The following SMCP variants were observed in gnomAD, a reference collection of about 807,000 sequenced individuals.
The protein encoded by SMCP is sperm mitochondrial-associated cysteine-rich protein.
For synonymous variants in SMCP, 41 were observed against 46.9 expected (o/e 0.87, Z 0.51); for missense variants, 137 against 137.1 (o/e 1.00, Z 0.01).
intron 1 of SMCP, among the ~76,000 whole-genome samples, chr1:152,882,296 G>A (rs1354495194): frequency 6.6e-6 from 1 of 152,116 alleles, no homozygotes; most frequent in Non-Finnish European, 1.5e-5. Flanking sequence ...TTTAATGTGA[G>A]GAGAGATTTG....
chr1:152,880,533 C>T (rs1340816245), intron 1 of SMCP, among the ~76,000 whole-genome samples: 1 of 152,142 alleles, frequency 6.6e-6, no homozygotes, highest in Admixed American at 6.5e-5. Flanking sequence ...CCTTCCTGTT[C>T]TCTCTCGGGC....
chr1:152,882,208 T>G (rs1337852686), intron 1 of SMCP, among the ~76,000 whole-genome samples: 3 of 152,078 alleles, frequency 2.0e-5, no homozygotes, highest in African/African-American at 7.2e-5. Context: ...CGACCTCAGG[T>G]GATCCACCTG....
chr1:152,884,355 C>G, intron 1 of SMCP, 48 bp from the exon 2 acceptor site: 1 of 1,469,554 alleles, frequency 6.8e-7, no homozygotes, highest in Non-Finnish European at 9.3e-7. Context: ...GAAATGAAAG[C>G]AGGCACCCAG....
intron 1 of SMCP, among the ~76,000 whole-genome samples, chr1:152,882,729 C>T (rs187463637): frequency 3.6e-4 from 55 of 152,236 alleles, no homozygotes; most frequent in Non-Finnish European, 6.3e-4. Context: ...AAGCCCACAG[C>T]AGTAACTGGC....
In SMCP at chr1:152,884,898, T is replaced by A; in HGVS notation, c.*125T>A. On this transcript the variant is annotated 3_prime_UTR_variant, in exon 2 of 2. Coordinates refer to ENST00000368765, the MANE Select transcript of SMCP (RefSeq NM_030663.3). ...AAGCAGTTTTCACAGTGACTACCATTTCCACCCAATGAGAGGCTCCTATTT... is the reference window on the plus strand; with the variant it reads ...AAGCAGTTTTCACAGTGACTACCATATCCACCCAATGAGAGGCTCCTATTT... 1 of 812,544 alleles carries A rather than the reference T, an allele frequency of 1.2e-6. No individual in the cohort carries two copies. Among genetic ancestry groups the A allele is most frequent in the Non-Finnish European group, 1.9e-6 (1 of 513,542 alleles). The allele number at this position is 812,544 out of a possible 1,614,324, so 50.3% of individuals were successfully genotyped here.
Position 152,884,784 on chromosome 1 carries a change from A to C in SMCP, c.*11A>C, listed in dbSNP as rs763582683. 1.2e-6 allele frequency: 2 copies of C among 1,608,006 alleles called. No individual in the cohort carries two copies. Among genetic ancestry groups the C allele is most frequent in the Non-Finnish European group, 1.7e-6 (2 of 1,176,032 alleles). Reference sequence around the variant, plus strand: ...AGGCCAAGCAAATGAGAGCAGAAGAAGTCAAACAAAGAAGAAGTCCCTGGG... The same window carrying C: ...AGGCCAAGCAAATGAGAGCAGAAGACGTCAAACAAAGAAGAAGTCCCTGGG... On this transcript the variant is annotated 3_prime_UTR_variant, in exon 2 of 2. Transcript: ENST00000368765.
intron 1 of SMCP, among the ~76,000 whole-genome samples, chr1:152,883,490 G>A (rs1305603417): frequency 6.6e-6 from 1 of 152,238 alleles, no homozygotes; most frequent in Non-Finnish European, 1.5e-5. Context: ...GTTCCCAGAA[G>A]AGCTTGGACT....
intron 1 of SMCP, among the ~76,000 whole-genome samples, chr1:152,879,300 A>C (rs1648964194): frequency 1.3e-5 from 2 of 151,984 alleles, no homozygotes; most frequent in African/African-American, 4.8e-5. Context: ...GGCTCACTGT[A>C]ACTTCTACCT....
In SMCP at chr1:152,884,750, A is replaced by G; in HGVS notation, c.328A>G (p.Asn110Asp). The G allele has an allele frequency of 6.2e-7, 1 of 1,614,126 alleles. No homozygotes were observed. The highest frequency in any genetic ancestry group is 8.5e-7 in the Non-Finnish European group (1 of 1,179,982). Residue 110 changes from asparagine (N) to aspartate (D), a missense_variant, in exon 2 of 2, where the codon AAT becomes GAT. Transcript: ENST00000368765. ...QTQQQPHSPQ[N>D]ESRPSK ...CCAGCAGCAGCCCCATAGCCCACAAAATGAGTCCAGGCCAAGCAAATGAGA... is the reference window on the plus strand; with the variant it reads ...CCAGCAGCAGCCCCATAGCCCACAAGATGAGTCCAGGCCAAGCAAATGAGA...
At chr1:152,884,033 T>C (rs150175077) in intron 1 of SMCP, among the ~76,000 whole-genome samples, 1 of 152,346 alleles carries the variant, frequency 6.6e-6, no homozygotes, top group Non-Finnish European at 1.5e-5. Flanking sequence ...TAAAAATGTC[T>C]ACCTCAGGCT....
rs1649168021 is a variant in SMCP, at chr1:152,884,804, C to T, written c.*31C>T. On this transcript the variant is annotated 3_prime_UTR_variant, in exon 2 of 2. Coordinates refer to ENST00000368765, the MANE Select transcript of SMCP (RefSeq NM_030663.3). ...GAAGAAGTCAAACAAAGAAGAAGTC[C>T]CTGGGGCCATGCCTTTCACTTTGTA... 2 of 1,584,014 alleles carry T rather than the reference C, an allele frequency of 1.3e-6. No homozygotes were observed. Among genetic ancestry groups the T allele is most frequent in the Non-Finnish European group, 1.7e-6 (2 of 1,156,224 alleles).
intron 1 of SMCP, among the ~76,000 whole-genome samples, chr1:152,879,210 A>G (rs992993297): frequency 5.3e-5 from 8 of 152,112 alleles, no homozygotes; most frequent in Non-Finnish European, 7.4e-5. Flanking sequence ...ATATTTATTT[A>G]TTTGTTTGTT....
At chr1:152,882,334 T>C (rs1557857936) in intron 1 of SMCP, among the ~76,000 whole-genome samples, 2 of 152,156 alleles carry the variant, frequency 1.3e-5, no homozygotes, top group African/African-American at 4.8e-5. Flanking sequence ...AGTCCCTTTA[T>C]CTACAGGACA....
At chr1:152,881,414 C>T (rs974605501) in intron 1 of SMCP, among the ~76,000 whole-genome samples, 15 of 152,068 alleles carry the variant, frequency 9.9e-5, no homozygotes, top group African/African-American at 2.7e-4. Context: ...CCCGGCCGGG[C>T]GCGGTGGCTC....
At position 152,884,977 on chromosome 1, in the gene SMCP, A is replaced by G. The variant is rs1649174424; in HGVS notation, c.*204A>G. On this transcript the variant is annotated 3_prime_UTR_variant, in exon 2 of 2. Coordinates refer to ENST00000368765, the MANE Select transcript of SMCP (RefSeq NM_030663.3). Reference sequence around the variant, plus strand: ...CCTCCATCTGGAAATGGGAGGATGAAGAGGCTAGAATCATCTTTCCTAGTG... The same window carrying G: ...CCTCCATCTGGAAATGGGAGGATGAGGAGGCTAGAATCATCTTTCCTAGTG... The G allele has an allele frequency of 1.7e-6, 1 of 598,994 alleles. No individual in the cohort carries two copies. The highest frequency in any genetic ancestry group is 2.8e-5 in the East Asian group (1 of 35,916). The allele number at this position is 598,994 out of a possible 1,614,324, so 37.1% of individuals were successfully genotyped here.
At chr1:152,884,091 G>A (rs1168505000) in intron 1 of SMCP, among the ~76,000 whole-genome samples, 1 of 152,246 alleles carries the variant, frequency 6.6e-6, no homozygotes, top group Non-Finnish European at 1.5e-5. Flanking sequence ...CCTGACACTT[G>A]ACTCAGGATC....
rs75159779 is a variant in SMCP at position 152,884,833 on chromosome 1, T to C, written c.*60T>C. ...GGGCCATGCCTTTCACTTTGTAGGG[T>C]GGGGGATTACTGAGAGTCAGGCTAG... On this transcript the variant is annotated 3_prime_UTR_variant, in exon 2 of 2. Transcript: ENST00000368765. 4.8e-6 allele frequency: 7 copies of C among 1,467,622 alleles called. No homozygotes were observed. In the African/African-American group the frequency reaches 5.6e-5, roughly 12 times the overall value. 90.9% of individuals were successfully genotyped at this position (1,467,622 alleles called of 1,614,324 possible).
chr1:152,883,106 C>T (rs1649107007), intron 1 of SMCP, among the ~76,000 whole-genome samples: 1 of 152,148 alleles, frequency 6.6e-6, no homozygotes, highest in Non-Finnish European at 1.5e-5. Flanking sequence ...CTCACAATCC[C>T]AAGGATGCCA....
In SMCP at chr1:152,884,407, T is replaced by C. The variant is rs138759019; in HGVS notation, c.-16T>C. On this transcript the variant is annotated 5_prime_UTR_variant, in exon 2 of 2. Transcript: ENST00000368765. Reference sequence around the variant, plus strand: ...AATATTATTTTCTTTTTCTAGTACCTCCAAGTGTTCAGAAGATGTGTGACC... The same window carrying C: ...AATATTATTTTCTTTTTCTAGTACCCCCAAGTGTTCAGAAGATGTGTGACC... 2,715 of 1,613,376 alleles carry C rather than the reference T, an allele frequency of 1.7e-3. 22 individuals are homozygous for C. Among genetic ancestry groups the C allele is most frequent in the South Asian group, 0.011 (1,036 of 91,042 alleles).
Sources: gnomAD v4.1 joint callset for allele counts (sites outside exome capture counted in the v4.1 genomes callset) on GRCh38, gnomAD v4.1.1 for gene constraint, MANE v1.5 for transcripts, NCBI Gene and HGNC (gene_info 2026-07-23, HGNC 2026-07-21) for gene names.